KCNQ2: variants seen among roughly 807,000 people sequenced by gnomAD.
KCNQ2 encodes potassium voltage-gated channel subfamily Q member 2.
A neutral mutation model predicts 84.8 loss-of-function variants in KCNQ2; 14 were observed. That is an observed-to-expected ratio of 0.17 (90% CI 0.11 to 0.26). KCNQ2 has a LOEUF of 0.26. Among genes scored for constraint, KCNQ2 ranks in the 10% least tolerant of loss-of-function variants. The pLI is 1.00. For missense variants in KCNQ2, 788 were observed against 1,254.0 expected (o/e 0.63, Z 5.61); for synonymous variants, 599 against 554.1 (o/e 1.08, Z -1.14).
At chr20:63,454,439 A>C (rs757940442) in intron 1 of KCNQ2, among the ~76,000 whole-genome samples, 8 of 152,180 alleles carry the variant, frequency 5.3e-5, no homozygotes, top group Non-Finnish European at 1.0e-4. Context: ...AGGAGGGAGG[A>C]GGCGGCACGG....
intron 1 of KCNQ2, among the ~76,000 whole-genome samples, chr20:63,457,750 C>A (rs764158242): frequency 8.5e-5 from 13 of 152,248 alleles, no homozygotes; most frequent in Non-Finnish European, 1.8e-4. Flanking sequence ...GCTGCAGCAA[C>A]CACAGGTCCT....
chr20:63,433,651 C>G (rs1261400420), intron 8 of KCNQ2, 158 bp downstream of exon 8: 1 of 1,383,914 alleles, frequency 7.2e-7, no homozygotes, highest in African/African-American at 1.4e-5. Flanking sequence ...GCAGAAGCAA[C>G]GCCTCGAAAT....
At chr20:63,419,803 A>C (rs1254694772) in intron 11 of KCNQ2, 131 bp from the exon 12 acceptor site, 2 of 794,094 alleles carry the variant, frequency 2.5e-6, no homozygotes, top group Admixed American at 2.0e-5. Context: ...GCGCCCAAGC[A>C]AGGCCAGCGA....
Position 63,438,267 on chromosome 20 carries a change from G to A in KCNQ2, c.1023+358C>T. ...AGCATCAGGGGTCAGACGAGGTCAG[G>A]CACTGACTCACTGCAGTGTGTGGGC... On this transcript the variant is annotated intron_variant, in intron 7 of 16. Transcript: ENST00000359125. The surrounding 1 kb of genome is among the most constrained non-coding windows in gnomAD (Gnocchi z 5.1). The A allele has an allele frequency of 2.0e-5, 8 of 398,648 alleles. 1 individual carries two copies. The highest frequency in any genetic ancestry group is 1.9e-4 in the South Asian group (8 of 42,322). The allele number at this position is 398,648 out of a possible 1,614,324, so 24.7% of individuals were successfully genotyped here.
At chr20:63,418,561 A>G (rs529228038) in intron 12 of KCNQ2, among the ~76,000 whole-genome samples, 2 of 152,150 alleles carry the variant, frequency 1.3e-5, no homozygotes, top group East Asian at 3.9e-4. Context: ...CCCCACTTTC[A>G]AACCCCTCTG....
At chr20:63,416,259 C>T in intron 12 of KCNQ2, among the ~76,000 whole-genome samples, 1 of 152,220 alleles carries the variant, frequency 6.6e-6, no homozygotes, top group Non-Finnish European at 1.5e-5. Flanking sequence ...GCTGGGTCTC[C>T]AGCTCCATAC....
At chr20:63,434,549 C>T (rs1349999742) in intron 7 of KCNQ2, 1 of 152,286 alleles carries the variant, frequency 6.6e-6, no homozygotes, top group African/African-American at 2.4e-5. Flanking sequence ...CTCCACACCT[C>T]TTCGTCGCCC....
chr20:63,445,504 C>CCCCAAAGGGT (rs1901461857), intron 2 of KCNQ2, 140 bp from the exon 3 acceptor site: 1 of 704,474 alleles, frequency 1.4e-6, no homozygotes, highest in Admixed American at 4.7e-5. Context: ...CAAGCTGACC[C>CCCCAAAGGGT]CCCCACCCCT....
In KCNQ2 at chr20:63,414,026, G is replaced by C. The variant is rs1429905241; in HGVS notation, c.1631+62C>G. ...GCACCATGAGCACCGGCAGCAGGCA[G>C]GACCACCGAGCGGGAGGCCCCTCCT... On this transcript the variant is annotated intron_variant, in intron 14 of 16. Coordinates refer to ENST00000359125, the MANE Select transcript of KCNQ2 (RefSeq NM_172107.4). The surrounding 1 kb of genome is among the most constrained non-coding windows in gnomAD (Gnocchi z 6.6). The C allele has an allele frequency of 8.0e-7, 1 of 1,248,756 alleles. No individual in the cohort carries two copies. Among genetic ancestry groups the C allele is most frequent in the East Asian group, 2.3e-5 (1 of 43,042 alleles). 77.4% of individuals were successfully genotyped at this position (1,248,756 alleles called of 1,614,324 possible).
Position 63,433,875 on chromosome 20 carries a change from AGG to A in KCNQ2, c.1050_1051del (p.Ser352AlafsTer48). On this transcript the variant is annotated frameshift_variant, in exon 8 of 17. Transcript: ENST00000359125. LOFTEE classifies it high-confidence loss of function. ...CGTGGAGTGCAGGTCTGTGCGCGAG[AGG>A]TTGGTGGCGTAGAATCTCCAGGCCG... The A allele has an allele frequency of 6.2e-7, 1 of 1,613,612 alleles. No homozygotes were observed. Among genetic ancestry groups the A allele is most frequent in the Non-Finnish European group, 8.5e-7 (1 of 1,179,840 alleles).
intron 1 of KCNQ2, among the ~76,000 whole-genome samples, chr20:63,461,440 A>G (rs1034441476): frequency 2.0e-5 from 3 of 152,162 alleles, no homozygotes; most frequent in Non-Finnish European, 4.4e-5. Context: ...CCTTCCCCAT[A>G]GCTGCCCAGA....
intron 6 of KCNQ2, among the ~76,000 whole-genome samples, chr20:63,439,093 T>C (rs1464618066): frequency 6.6e-6 from 1 of 151,422 alleles, no homozygotes; most frequent in African/African-American, 2.4e-5. Context: ...CACAGAAGAG[T>C]CTGCAGGCCC....
intron 1 of KCNQ2, among the ~76,000 whole-genome samples, chr20:63,447,655 C>A (rs560491581): frequency 6.6e-6 from 1 of 152,100 alleles, no homozygotes; most frequent in Non-Finnish European, 1.5e-5. Flanking sequence ...AGTGCAATGG[C>A]GTGATCTTGG....
rs531753600 is a variant in KCNQ2, at chr20:63,467,358, C to T, written c.296+4810G>A. On this transcript the variant is annotated intron_variant, in intron 1 of 16. Transcript: ENST00000359125. ...AGCAGCTTCAGGCCCAGCTCCTCTA[C>T]GGCTCCTCTACGGCTGCGGAACGTC... Among the ~76,000 whole-genome samples the T allele has an allele frequency of 5.3e-5, 8 of 152,326 alleles. No individual in the cohort carries two copies. The South Asian group carries it at 1.0e-3, about 20-fold the overall frequency.
At position 63,406,809 on chromosome 20, in the gene KCNQ2, G is replaced by C; in HGVS notation, c.2454C>G (p.Asn818Lys). 3 of 1,612,650 alleles carry C rather than the reference G, an allele frequency of 1.9e-6. No individual in the cohort carries two copies. The Middle Eastern group carries it at 4.9e-4, about 266-fold the overall frequency. ...AAGGCGCCACGGCCGCGTAGCAGCT[G>C]TTGAGAGCATCCAGGTTCTCCTTGG... ...SQSKENLDAL[N>K]SCYAAVAPCA... Residue 818 changes from asparagine to lysine, a missense_variant, in exon 17 of 17, where the codon AAC becomes AAG. Transcript: ENST00000359125.
chr20:63,406,809 G>A lies in KCNQ2; in HGVS notation c.2454C>T (p.Asn818=), dbSNP rs748097158. 4.0e-5 allele frequency: 65 copies of A among 1,612,532 alleles called. No individual in the cohort carries two copies. Among genetic ancestry groups the A allele is most frequent in the Non-Finnish European group, 5.3e-5 (62 of 1,179,874 alleles). ...SQSKENLDAL[N]SCYAAVAPCA... is the part of the protein sequence containing the mutation. ...AAGGCGCCACGGCCGCGTAGCAGCT[G>A]TTGAGAGCATCCAGGTTCTCCTTGG... Residue 818 remains asparagine (N), a synonymous_variant, in exon 17 of 17, where the codon AAC becomes AAT. Coordinates refer to ENST00000359125, the MANE Select transcript of KCNQ2 (RefSeq NM_172107.4).
At chr20:63,468,175 C>A (rs187000727) in intron 1 of KCNQ2, among the ~76,000 whole-genome samples, 109 of 152,322 alleles carry the variant, frequency 7.2e-4, no homozygotes, top group African/African-American at 2.5e-3. Context: ...CAGGTTTCCC[C>A]AGAAACCACA....
intron 4 of KCNQ2, 126 bp downstream of exon 4, chr20:63,444,533 C>T: frequency 1.4e-6 from 1 of 697,888 alleles, no homozygotes; most frequent in Non-Finnish European, 2.1e-6. Context: ...CAGCCAGAGC[C>T]ACCACTGACT....
At position 63,406,421 on chromosome 20, in the gene KCNQ2, A is replaced by C; in HGVS notation, c.*223T>G. 1.7e-6 allele frequency: 1 copy of C among 602,016 alleles called. No individual in the cohort carries two copies. The allele number at this position is 602,016 out of a possible 1,614,324, so 37.3% of individuals were successfully genotyped here. On this transcript the variant is annotated 3_prime_UTR_variant, in exon 17 of 17. Coordinates refer to ENST00000359125, the MANE Select transcript of KCNQ2 (RefSeq NM_172107.4). ...GCTCCTGCACGCTGCTCCTGGAGCC[A>C]CAGGGCCCTGCCCAGCCCTCCAGCC...
Sources: gnomAD v4.1 joint callset for allele counts (sites outside exome capture counted in the v4.1 genomes callset) on GRCh38, gnomAD v4.1.1 for gene constraint, Gnocchi (gnomAD v3.1) non-coding constraint, MANE v1.5 for transcripts, NCBI Gene and HGNC (gene_info 2026-07-23, HGNC 2026-07-21) for gene names.